The following CEACAM8 variants were observed in gnomAD, a reference collection of about 807,000 sequenced individuals.
The protein encoded by CEACAM8 is CEA cell adhesion molecule 8, also known as cell adhesion molecule CEACAM8.
In CEACAM8, 31 loss-of-function variants were observed where a neutral mutation model predicts 33.4. The ratio of observed to expected loss-of-function variants is 0.93; its 90% CI spans 0.70 to 1.25. The LOEUF (loss-of-function observed/expected upper bound fraction) is 1.25. Among genes scored for constraint, CEACAM8 ranks in the 50% most tolerant of loss-of-function variants. The pLI, the probability that CEACAM8 is intolerant of heterozygous loss-of-function variation, is 0.00. For synonymous variants in CEACAM8, 138 were observed against 164.5 expected (o/e 0.84, Z 1.23); for missense variants, 388 against 434.6 (o/e 0.89, Z 0.95).
intron 4 of CEACAM8, among the ~76,000 whole-genome samples, chr19:42,586,907 C>A (rs2042346170): frequency 6.6e-6 from 1 of 152,010 alleles, no homozygotes; most frequent in Non-Finnish European, 1.5e-5. Context: ...AAAAACCCAA[C>A]TAAAAAAGGA....
chr19:42,593,841 G>A lies in CEACAM8; in HGVS notation c.124C>T (p.Pro42Ser), dbSNP rs2042493768. Residue 42 changes from proline to serine, a missense_variant, in exon 2 of 6, where the codon CCA becomes TCA. Pro to Ser is a moderately conservative substitution (Grantham distance 74, BLOSUM62 -1). Transcript: ENST00000244336. The part of the protein sequence containing the change: ...TTAQLTIEAV[P>S]SNAAEGKEVL... The stretch of plus-strand genomic sequence containing the variant: ...TCCTTCCCCTCTGCAGCATTGGATG[G>A]CACAGCTTCAATAGTGAGCTGAGCA... The A allele has an allele frequency of 6.2e-7, 1 of 1,613,576 alleles. No individual in the cohort carries two copies. The highest frequency in any genetic ancestry group is 2.2e-5 in the East Asian group (1 of 44,866).
intron 4 of CEACAM8, among the ~76,000 whole-genome samples, chr19:42,587,539 TAATC>T (rs2042356809): frequency 6.6e-6 from 1 of 152,198 alleles, no homozygotes; most frequent in African/African-American, 2.4e-5. Context: ...GTTGTTAGAA[TAATC>T]AATTACATAG....
At chr19:42,586,966 A>G (rs2042347162) in intron 4 of CEACAM8, among the ~76,000 whole-genome samples, 2 of 152,242 alleles carry the variant, frequency 1.3e-5, no homozygotes. Context: ...CAAATGGCCA[A>G]TGAGCACATG....
rs1247772738 is a variant in CEACAM8 at position 42,583,327 on chromosome 19, T to C, written c.969A>G (p.Val323=). ...VRMITVSDAL[V]QGSSPGLSAR... ...CTGAGAGGCCAGGAGAACTTCCTTG[T>C]ACTAAAGCATCTGTCATGGAAAGAA... Residue 323 remains valine, a synonymous_variant, in exon 5 of 6, where the codon GTA becomes GTG. Coordinates refer to ENST00000244336, the MANE Select transcript of CEACAM8 (RefSeq NM_001816.4). 1.2e-6 allele frequency: 2 copies of C among 1,609,184 alleles called. No homozygotes were observed. The highest frequency in any genetic ancestry group is 2.2e-5 in the South Asian group (2 of 90,902).
chr19:42,592,952 G>C (rs2147874164), intron 2 of CEACAM8, among the ~76,000 whole-genome samples: 1 of 152,344 alleles, frequency 6.6e-6, no homozygotes, highest in Admixed American at 6.5e-5. Context: ...AGTCTCAGGT[G>C]AAGGACAAGA....
rs1183851278 is a variant in CEACAM8 at position 42,589,007 on chromosome 19, T to C, written c.735A>G (p.Ser245=). 5 of 1,613,940 alleles carry C rather than the reference T, an allele frequency of 3.1e-6. No homozygotes were observed. Among genetic ancestry groups the C allele is most frequent in the Non-Finnish European group, 3.4e-6 (4 of 1,179,838 alleles). Residue 245 remains serine, a synonymous_variant, in exon 4 of 6, where the codon TCA becomes TCG. Coordinates refer to ENST00000244336, the MANE Select transcript of CEACAM8 (RefSeq NM_001816.4). The part of the protein sequence containing the change: ...YGPDAPTISP[S]DTYYHAGVNL... ...TTACCCCTGCATGGTAATAGGTGTC[T>C]GAAGGGGAAATGGTGGGGGCATCTG...
intron 2 of CEACAM8, among the ~76,000 whole-genome samples, chr19:42,591,706 G>T (rs1210235578): frequency 6.6e-6 from 1 of 152,168 alleles, no homozygotes; most frequent in African/African-American, 2.4e-5. Flanking sequence ...TCACAATGGT[G>T]CCATCATGAG....
In CEACAM8 at chr19:42,580,313, G is replaced by C. The variant is rs2147850849; in HGVS notation, c.*1081C>G. 6.6e-6 allele frequency: 1 copy of C among 152,322 alleles called. No homozygotes were observed. The highest frequency in any genetic ancestry group is 3.4e-3 in the Middle Eastern group (1 of 294). 9.4% of individuals were successfully genotyped at this position (152,322 alleles called of 1,614,324 possible). ...TGGGTTAAATTAAAACAGACAGTGA[G>C]AACAAGTGAGTCTAGGAGTCTGACT... On this transcript the variant is annotated 3_prime_UTR_variant, in exon 6 of 6. Coordinates refer to ENST00000244336, the MANE Select transcript of CEACAM8 (RefSeq NM_001816.4).
At chr19:42,590,834 G>T (rs570833236) in intron 2 of CEACAM8, among the ~76,000 whole-genome samples, 8 of 152,278 alleles carry the variant, frequency 5.3e-5, no homozygotes, top group South Asian at 4.1e-4. Flanking sequence ...GGATGAGGAG[G>T]TTCTAGAGAT....
Position 42,580,264 on chromosome 19 carries a change from T to C in CEACAM8, c.*1130A>G, listed in dbSNP as rs1338440293. 6.6e-6 allele frequency: 1 copy of C among 152,218 alleles called. No homozygotes were observed. The highest frequency in any genetic ancestry group is 1.5e-5 in the Non-Finnish European group (1 of 68,044). 9.4% of individuals were successfully genotyped at this position (152,218 alleles called of 1,614,324 possible). ...TCTCTGATCAGCCAATAGGGAGCAATTTTATTATCTAGCATTGCATGCCTG... is the reference window on the plus strand; with the variant it reads ...TCTCTGATCAGCCAATAGGGAGCAACTTTATTATCTAGCATTGCATGCCTG... On this transcript the variant is annotated 3_prime_UTR_variant, in exon 6 of 6. Transcript: ENST00000244336.
At chr19:42,589,768 G>A in intron 2 of CEACAM8, 33 bp from the exon 3 acceptor site, 1 of 1,613,736 alleles carries the variant, frequency 6.2e-7, no homozygotes, top group South Asian at 1.1e-5. Flanking sequence ...ATTGCCCTGT[G>A]TGGCACCTTT....
intron 2 of CEACAM8, among the ~76,000 whole-genome samples, chr19:42,590,841 A>G (rs1261802835): frequency 6.6e-6 from 1 of 152,198 alleles, no homozygotes; most frequent in East Asian, 1.9e-4. Context: ...GAGGTTCTAG[A>G]GATCTGCTGT....
At chr19:42,588,068 G>A (rs997496767) in intron 4 of CEACAM8, among the ~76,000 whole-genome samples, 6 of 152,186 alleles carry the variant, frequency 3.9e-5, no homozygotes, top group Admixed American at 1.3e-4. Context: ...CCTCTGTGTT[G>A]TATCCACAGC....
chr19:42,592,597 CA>C (rs922130468), intron 2 of CEACAM8, among the ~76,000 whole-genome samples: 1,309 of 41,866 alleles, frequency 0.031, 3 homozygotes, highest in African/African-American at 0.07. Context: ...GACTCCGTCT[CA>C]AAAAAAAAAA....
intron 1 of CEACAM8, 32 bp downstream of exon 1, chr19:42,594,732 CT>C: frequency 6.4e-7 from 1 of 1,568,678 alleles, no homozygotes; most frequent in Non-Finnish European, 8.8e-7. Flanking sequence ...GTGTTTCCTC[CT>C]CCTGTCCTTT....
intron 5 of CEACAM8, among the ~76,000 whole-genome samples, chr19:42,581,557 A>G (rs534659862): frequency 6.6e-6 from 1 of 152,266 alleles, no homozygotes; most frequent in South Asian, 2.1e-4. Flanking sequence ...GAGAAGGTTT[A>G]GCACCACTTA....
At chr19:42,591,243 T>C (rs2042433128) in intron 2 of CEACAM8, among the ~76,000 whole-genome samples, 1 of 152,188 alleles carries the variant, frequency 6.6e-6, no homozygotes. Flanking sequence ...CTAAAATCAA[T>C]TGGTGGAAGG....
chr19:42,584,652 C>T (rs1418619308), intron 4 of CEACAM8, among the ~76,000 whole-genome samples: 1 of 152,220 alleles, frequency 6.6e-6, no homozygotes, highest in Non-Finnish European at 1.5e-5. Context: ...GAAGCAAACA[C>T]TGTTACTGCA....
At chr19:42,593,999 G>A in intron 1 of CEACAM8, 99 bp from the exon 2 acceptor site, 1 of 1,266,586 alleles carries the variant, frequency 7.9e-7, no homozygotes, top group East Asian at 2.3e-5. Context: ...TTATGTGTGT[G>A]TATGTGTGTG....
Sources: allele counts gnomAD v4.1 joint callset (sites outside exome capture counted in the v4.1 genomes callset), GRCh38; gene constraint gnomAD v4.1.1; transcripts MANE v1.5; gene names NCBI Gene and HGNC (gene_info 2026-07-23, HGNC 2026-07-21).